Variants in SLC39A11 observed in about 807,000 individuals in gnomAD.
SLC39A11 encodes solute carrier family 39 member 11.
In SLC39A11, 33 loss-of-function variants were observed where a neutral mutation model predicts 36.1. The observed-to-expected ratio is 0.91, with a 90% confidence interval of 0.69 to 1.22. The LOEUF (loss-of-function observed/expected upper bound fraction) is 1.22, where lower values mean the gene tolerates loss of function less well. Ranked by LOEUF, SLC39A11 falls within the 50% of genes most tolerant of loss-of-function variation. The pLI is 0.00. For missense variants in SLC39A11, 432 were observed against 430.3 expected (o/e 1.00, Z -0.03); for synonymous variants, 166 against 170.3 (o/e 0.97, Z 0.20).
chr17:72,683,453 AG>A lies in SLC39A11; in HGVS notation c.672-34186del, dbSNP rs986668201. Among the ~76,000 whole-genome samples, 144 of 150,782 alleles carry A rather than the reference AG, an allele frequency of 9.6e-4. 1 individual carries two copies. The highest frequency in any genetic ancestry group is 3.4e-3 in the African/African-American group (140 of 40,964). On this transcript the variant is annotated intron_variant, in intron 7 of 9. Transcript: ENST00000255559. ...CGTGCTCAAGGGATCCTCCCACCTC[AG>A]CCCCTAGGGTAGCTGGGACTACATG...
intron 5 of SLC39A11, among the ~76,000 whole-genome samples, chr17:72,922,433 T>C (rs1441462746): frequency 6.6e-6 from 1 of 152,210 alleles, no homozygotes; most frequent in East Asian, 1.9e-4. Context: ...TTAAAACACA[T>C]CCCTATTATC....
chr17:72,821,367 A>G (rs1367843291), intron 6 of SLC39A11, among the ~76,000 whole-genome samples: 2 of 150,238 alleles, frequency 1.3e-5, no homozygotes, highest in African/African-American at 4.9e-5. Flanking sequence ...ATAGCTGGGC[A>G]TGGTGATGCA....
At chr17:73,087,415 T>A (rs189416330) in intron 2 of SLC39A11, among the ~76,000 whole-genome samples, 7 of 152,300 alleles carry the variant, frequency 4.6e-5, no homozygotes, top group Admixed American at 4.6e-4. Context: ...CACAACATGT[T>A]GAACTAGATC....
In SLC39A11 at chr17:73,036,410, C is replaced by T. The variant is rs78126600; in HGVS notation, c.148-4696G>A. Among the ~76,000 whole-genome samples the T allele has an allele frequency of 9.9e-5, 15 of 151,760 alleles. No homozygotes were observed. The East Asian group carries it at 2.9e-3, about 29-fold the overall frequency. On this transcript the variant is annotated intron_variant, in intron 3 of 9. Transcript: ENST00000255559. The stretch of plus-strand genomic sequence containing the variant: ...AACCCACACTGATATGGCATTAACA[C>T]CGAAGGGCCATCGTTTTTTTGTTTT...
chr17:72,701,690 T>C (rs1461308436), intron 7 of SLC39A11, among the ~76,000 whole-genome samples: 1 of 126,420 alleles, frequency 7.9e-6, no homozygotes, highest in African/African-American at 3.1e-5. Context: ...GTTGTACCAC[T>C]GTACTCCAGC....
At chr17:72,772,048 A>G (rs1338380190) in intron 6 of SLC39A11, among the ~76,000 whole-genome samples, 2 of 151,152 alleles carry the variant, frequency 1.3e-5, no homozygotes, top group Non-Finnish European at 3.0e-5. Context: ...AAATCCAGAC[A>G]CTCCTCATTC....
intron 3 of SLC39A11, among the ~76,000 whole-genome samples, chr17:73,048,500 G>A (rs1371345469): frequency 6.6e-6 from 1 of 152,240 alleles, no homozygotes; most frequent in Non-Finnish European, 1.5e-5. Context: ...ATGAACACAT[G>A]AGTGCCTGTG....
chr17:72,767,006 C>G (rs1006056446), intron 6 of SLC39A11, among the ~76,000 whole-genome samples: 1 of 152,156 alleles, frequency 6.6e-6, no homozygotes, highest in Admixed American at 6.6e-5. Context: ...CACTTCTCCC[C>G]CAACTTCTCC....
intron 1 of SLC39A11, among the ~76,000 whole-genome samples, chr17:73,091,004 G>T (rs189453558): frequency 6.6e-6 from 1 of 152,160 alleles, no homozygotes; most frequent in Non-Finnish European, 1.5e-5. Context: ...GCACTGGTCC[G>T]GCTTGGGAGC....
intron 6 of SLC39A11, among the ~76,000 whole-genome samples, chr17:72,775,026 C>T (rs368775600): frequency 6.6e-6 from 1 of 152,174 alleles, no homozygotes. Flanking sequence ...GTGGCACCCA[C>T]TTCACCAGCA....
chr17:73,052,250 A>G (rs2059530110), intron 3 of SLC39A11, among the ~76,000 whole-genome samples: 1 of 151,866 alleles, frequency 6.6e-6, no homozygotes, highest in Non-Finnish European at 1.5e-5. Context: ...AACAAGAAAA[A>G]CCTCTCATTA....
intron 6 of SLC39A11, among the ~76,000 whole-genome samples, chr17:72,809,321 C>T (rs1462228158): frequency 6.6e-6 from 1 of 151,896 alleles, no homozygotes; most frequent in Non-Finnish European, 1.5e-5. Context: ...AATTTTTCTC[C>T]TGCCGTGGTA....
intron 6 of SLC39A11, among the ~76,000 whole-genome samples, chr17:72,786,202 T>A (rs2076509211): frequency 1.3e-5 from 2 of 152,196 alleles, no homozygotes; most frequent in Admixed American, 6.5e-5. Context: ...GATGGAAACA[T>A]CACCCTTCCC....
chr17:72,951,456 C>T (rs1278616745), intron 4 of SLC39A11, among the ~76,000 whole-genome samples: 3 of 152,020 alleles, frequency 2.0e-5, no homozygotes, highest in Non-Finnish European at 4.4e-5. Context: ...TTCACGCATC[C>T]CATAGATTTC....
intron 4 of SLC39A11, among the ~76,000 whole-genome samples, chr17:73,004,219 G>GAAAGAAAGAAAGAAAGAAAGA (rs1555674190): frequency 3.8e-5 from 3 of 79,276 alleles, no homozygotes; most frequent in African/African-American, 2.4e-4. Context: ...AAGAAAGAAA[G>GAAAGAAAGAAAGAAAGAAAGA]AAAGAAAGAA....
chr17:72,846,018 C>CTTTTTTTTTTTTTTTTTTTTTTTTTTTTT (rs569100122), intron 6 of SLC39A11, among the ~76,000 whole-genome samples: 1 of 57,956 alleles, frequency 1.7e-5, no homozygotes, highest in Admixed American at 2.9e-4. Flanking sequence ...CTCTCTCTCT[C>CTTTTTTTTTTTTTTTTTTTTTTTTTTTTT]TTTTTTTTTT....
intron 3 of SLC39A11, among the ~76,000 whole-genome samples, chr17:73,043,720 T>G (rs2059182134): frequency 6.6e-6 from 1 of 151,932 alleles, no homozygotes; most frequent in African/African-American, 2.4e-5. Context: ...ACAGAGAAAC[T>G]TGGAAGAAGG....
chr17:72,900,882 C>A (rs1161622622), intron 5 of SLC39A11, among the ~76,000 whole-genome samples: 3 of 152,110 alleles, frequency 2.0e-5, no homozygotes, highest in South Asian at 4.1e-4. Flanking sequence ...CAGTGAGGGT[C>A]CTTGTTTTTA....
At chr17:72,746,536 G>T (rs2074944114) in intron 6 of SLC39A11, among the ~76,000 whole-genome samples, 1 of 152,202 alleles carries the variant, frequency 6.6e-6, no homozygotes, top group South Asian at 2.1e-4. Flanking sequence ...GGATCATGAG[G>T]TCAGGAGATC....
Sources: allele counts gnomAD v4.1 joint callset (sites outside exome capture counted in the v4.1 genomes callset), GRCh38; gene constraint gnomAD v4.1.1; transcripts MANE v1.5; gene names NCBI Gene and HGNC (gene_info 2026-07-23, HGNC 2026-07-21).